Variants in CWH43 observed in about 807,000 individuals in gnomAD.
CWH43 encodes the protein PGAP2-interacting protein.
A neutral mutation model predicts 85.7 loss-of-function variants in CWH43; 91 were observed. That is an observed-to-expected ratio of 1.06 (90% CI 0.90 to 1.26). The LOEUF (loss-of-function observed/expected upper bound fraction) is 1.26. Ranked by LOEUF, CWH43 falls within the 50% of genes most tolerant of loss-of-function variation. CWH43 has a pLI of 0.00. For missense variants in CWH43, 869 were observed against 839.2 expected (o/e 1.04, Z -0.44); for synonymous variants, 323 against 293.6 (o/e 1.10, Z -1.02).
At chr4:48,991,906 A>C in intron 3 of CWH43, 30 bp from the exon 4 acceptor site, 1 of 1,591,118 alleles carries the variant, frequency 6.3e-7, no homozygotes, top group South Asian at 1.1e-5. Context: ...TCCACATAAA[A>C]AGTGTTTAAA....
At chr4:49,052,094 C>T (rs1023319013) in intron 15 of CWH43, among the ~76,000 whole-genome samples, 1 of 152,156 alleles carries the variant, frequency 6.6e-6, no homozygotes, top group Non-Finnish European at 1.5e-5. Context: ...TTTCTCCATT[C>T]TCTTTTTCTT....
chr4:49,010,178 T>G (rs974038740), intron 8 of CWH43, among the ~76,000 whole-genome samples: 1 of 152,342 alleles, frequency 6.6e-6, no homozygotes, highest in East Asian at 1.9e-4. Context: ...TATTCAGAGA[T>G]TCAACTTCTT....
At chr4:49,051,392 C>T (rs1784793595) in intron 15 of CWH43, among the ~76,000 whole-genome samples, 1 of 152,164 alleles carries the variant, frequency 6.6e-6, no homozygotes, top group Non-Finnish European at 1.5e-5. Flanking sequence ...TTCACCTGGA[C>T]AGCTTTTAAA....
At chr4:49,006,329 A>C (rs1378001047) in intron 7 of CWH43, among the ~76,000 whole-genome samples, 2 of 152,220 alleles carry the variant, frequency 1.3e-5, no homozygotes, top group African/African-American at 4.8e-5. Flanking sequence ...CATACAACTA[A>C]GAACTTTAAA....
intron 15 of CWH43, among the ~76,000 whole-genome samples, chr4:49,053,019 T>C (rs938541438): frequency 6.6e-6 from 1 of 152,126 alleles, no homozygotes; most frequent in African/African-American, 2.4e-5. Flanking sequence ...ATTCTACATA[T>C]AAATGAGATA....
chr4:49,048,271 G>A (rs1193554481), intron 14 of CWH43, among the ~76,000 whole-genome samples: 2 of 151,116 alleles, frequency 1.3e-5, no homozygotes, highest in African/African-American at 4.9e-5. Context: ...GAATGGGATG[G>A]CAGAGTTTAT....
intron 7 of CWH43, among the ~76,000 whole-genome samples, chr4:49,004,614 T>G (rs4694908): frequency 0.61 from 92,013 of 152,054 alleles, 30,467 homozygotes; most frequent in Admixed American, 0.76. Flanking sequence ...GGTCTTGAAC[T>G]CCTGGCCTCA....
At chr4:49,056,982 A>C (rs1185872625) in intron 15 of CWH43, among the ~76,000 whole-genome samples, 1 of 152,146 alleles carries the variant, frequency 6.6e-6, no homozygotes, top group Non-Finnish European at 1.5e-5. Context: ...ATTAATTTAT[A>C]ATTTAACTAT....
chr4:49,058,652 AATG>A (rs1206356551), intron 15 of CWH43, among the ~76,000 whole-genome samples: 2 of 152,184 alleles, frequency 1.3e-5, no homozygotes, highest in African/African-American at 4.8e-5. Flanking sequence ...AAGTGCATCT[AATG>A]ATGATGAACT....
chr4:49,047,380 C>CA (rs1318684587), intron 14 of CWH43, among the ~76,000 whole-genome samples: 1 of 151,948 alleles, frequency 6.6e-6, no homozygotes, highest in African/African-American at 2.4e-5. Context: ...GGAGGATGGA[C>CA]AAAAATCATG....
At chr4:49,047,139 G>T (rs1443642975) in intron 14 of CWH43, among the ~76,000 whole-genome samples, 2 of 152,196 alleles carry the variant, frequency 1.3e-5, no homozygotes, top group Non-Finnish European at 2.9e-5. Context: ...CTACATTTAT[G>T]AGAGAAAATG....
intron 6 of CWH43, among the ~76,000 whole-genome samples, chr4:49,001,775 T>C (rs1783000322): frequency 6.6e-6 from 1 of 152,198 alleles, no homozygotes; most frequent in Admixed American, 6.5e-5. Flanking sequence ...TCCCTCTAGA[T>C]AATTCTCTGT....
At chr4:49,041,575 G>T (rs1045247701) in intron 13 of CWH43, among the ~76,000 whole-genome samples, 4 of 152,234 alleles carry the variant, frequency 2.6e-5, no homozygotes, top group Non-Finnish European at 5.9e-5. Flanking sequence ...GAATGCTTGT[G>T]GTTTTTGTAC....
rs760825215 is a variant in CWH43, at chr4:49,030,824, G to C, written c.1373-1G>C. On this transcript the variant is annotated splice_acceptor_variant, in intron 10 of 15. Coordinates refer to ENST00000226432, the MANE Select transcript of CWH43 (RefSeq NM_025087.3). LOFTEE classifies it high-confidence loss of function. ...TATGCTACTTTTTTTTTTCTGAACA[G>C]GTGCAGATTTCATAACAATTTTGGA... 1.0e-5 allele frequency: 16 copies of C among 1,564,018 alleles called. No homozygotes were observed. Among genetic ancestry groups the C allele is most frequent in the African/African-American group, 1.4e-5 (1 of 71,496 alleles).
chr4:49,027,094 G>T (rs1016109588), intron 9 of CWH43, among the ~76,000 whole-genome samples: 2 of 152,248 alleles, frequency 1.3e-5, no homozygotes, highest in Admixed American at 1.3e-4. Flanking sequence ...GCTGCTCTGT[G>T]AAAAATGGAT....
chr4:49,016,542 G>T, intron 8 of CWH43: 2 of 665,326 alleles, frequency 3.0e-6, no homozygotes, highest in Non-Finnish European at 5.6e-6. Context: ...AGCGGAGAAG[G>T]GATTGGCCTG....
intron 13 of CWH43, among the ~76,000 whole-genome samples, chr4:49,038,828 G>A (rs1784345411): frequency 6.6e-6 from 1 of 152,024 alleles, no homozygotes; most frequent in Non-Finnish European, 1.5e-5. Context: ...GGAGGCTGAG[G>A]CGGGCGGATC....
chr4:49,022,019 C>G (rs773667872), intron 9 of CWH43, among the ~76,000 whole-genome samples: 9 of 152,114 alleles, frequency 5.9e-5, no homozygotes, highest in Admixed American at 1.3e-4. Context: ...TTGACTTCCT[C>G]TTTATCAGTT....
intron 13 of CWH43, among the ~76,000 whole-genome samples, chr4:49,042,844 G>T (rs773728429): frequency 1.3e-5 from 2 of 152,194 alleles, no homozygotes; most frequent in Non-Finnish European, 2.9e-5. Flanking sequence ...TTATCACTGT[G>T]TAACAAACCA....
Sources: gnomAD v4.1 joint callset for allele counts (sites outside exome capture counted in the v4.1 genomes callset) on GRCh38, gnomAD v4.1.1 for gene constraint, MANE v1.5 for transcripts, NCBI Gene and HGNC (gene_info 2026-07-23, HGNC 2026-07-21) for gene names.